The following PLOD3 variants were observed in gnomAD, a reference collection of about 807,000 sequenced individuals.
PLOD3 encodes multifunctional procollagen lysine hydroxylase and glycosyltransferase LH3.
A neutral mutation model predicts 96.9 loss-of-function variants in PLOD3; 73 were observed. The ratio of observed to expected loss-of-function variants is 0.75; its 90% CI spans 0.62 to 0.92. The LOEUF (loss-of-function observed/expected upper bound fraction) is 0.92. Among genes scored for constraint, PLOD3 ranks in the 40% least tolerant of loss-of-function variants. The pLI, the probability that PLOD3 is intolerant of heterozygous loss-of-function variation, is 0.00. For synonymous variants in PLOD3, 454 were observed against 413.7 expected (o/e 1.10, Z -1.18); for missense variants, 1,004 against 1,004.3 (o/e 1.00, Z 0.00).
In PLOD3 at chr7:101,215,959, A is replaced by G; in HGVS notation, c.564T>C (p.Asp188=). 1 of 1,613,962 alleles carries G rather than the reference A, an allele frequency of 6.2e-7. No homozygotes were observed. Among genetic ancestry groups the G allele is most frequent in the Middle Eastern group, 1.6e-4 (1 of 6,062 alleles). ...QIVRQWKYKD[D]DDDQLFYTRL... ...GTGTGTAGAACAGCTGGTCGTCGTC[A>G]TCATCCTTGTACTTCCACTGGCGCA... Residue 188 remains aspartate, a synonymous_variant, in exon 5 of 19, where the codon GAT becomes GAC. Transcript: ENST00000223127.
At position 101,206,162 on chromosome 7, in the gene PLOD3, G is replaced by C; in HGVS notation, c.*119C>G. On this transcript the variant is annotated 3_prime_UTR_variant, in exon 19 of 19. Transcript: ENST00000223127. ...AAGGTGACATATTCAGTTCAGGCAC[G>C]CGGAACATGAACTCAGGAAGTGGGG... The C allele has an allele frequency of 1.9e-6, 2 of 1,060,270 alleles. No homozygotes were observed. Among genetic ancestry groups the C allele is most frequent in the Non-Finnish European group, 2.9e-6 (2 of 678,344 alleles). The allele number at this position is 1,060,270 out of a possible 1,614,324, so 65.7% of individuals were successfully genotyped here.
intron 11 of PLOD3, 38 bp downstream of exon 11, chr7:101,211,807 TG>T (rs761977809): frequency 6.3e-7 from 1 of 1,589,142 alleles, no homozygotes. Flanking sequence ...CGGGGCCTGT[TG>T]GGGTGCCCTC....
intron 14 of PLOD3, 78 bp from the exon 15 acceptor site, chr7:101,210,239 G>T (rs1456118779): frequency 6.8e-7 from 1 of 1,479,612 alleles, no homozygotes. Context: ...CTCCCACTCA[G>T]TGTCCTGCGC....
intron 11 of PLOD3, 37 bp downstream of exon 11, chr7:101,211,809 G>C (rs770957844): frequency 6.3e-7 from 1 of 1,590,154 alleles, no homozygotes; most frequent in South Asian, 1.1e-5. Context: ...GGGCCTGTTG[G>C]GGTGCCCTCC....
chr7:101,213,032 C>G, intron 7 of PLOD3, 75 bp downstream of exon 7: 1 of 1,382,072 alleles, frequency 7.2e-7, no homozygotes, highest in Admixed American at 1.7e-5. Context: ...CTGGGAAGGG[C>G]CAGCTTCTCA....
chr7:101,207,578 C>G lies in PLOD3; in HGVS notation c.1935G>C (p.Lys645Asn), dbSNP rs201862554. ...TESLFPGYHT[K>N]ARAVMNFVVR... ...GGCAGCTGGCAGGTGGGCAGCGCAC[C>G]TTGGTGTGGTAACCGGGAAACAGGC... is the stretch of plus-strand genomic sequence containing the variant. The change falls in exon 17 of 19, where the codon AAG (lysine) becomes AAC (asparagine). Residue 645 changes from lysine to asparagine, a missense_variant and splice_region_variant. Transcript: ENST00000223127. 6.2e-7 allele frequency: 1 copy of G among 1,613,888 alleles called. No homozygotes were observed. Among genetic ancestry groups the G allele is most frequent in the Non-Finnish European group, 8.5e-7 (1 of 1,179,856 alleles).
At chr7:101,212,726 CCT>C (rs1157399988) in intron 8 of PLOD3, 71 bp from the exon 9 acceptor site, 1 of 1,604,934 alleles carries the variant, frequency 6.2e-7, no homozygotes, top group Admixed American at 1.7e-5. Context: ...CAACCTCCAC[CCT>C]GACAGGTGCA....
chr7:101,207,018 G>T, intron 17 of PLOD3, 114 bp from the exon 18 acceptor site: 1 of 1,257,736 alleles, frequency 8.0e-7, no homozygotes, highest in Non-Finnish European at 1.1e-6. Context: ...AGGCTGGAGT[G>T]CAGTGGTGCG....
chr7:101,211,310 GC>G, intron 12 of PLOD3: 1 of 383,264 alleles, frequency 2.6e-6, no homozygotes, highest in Non-Finnish European at 4.8e-6. Context: ...CTCCGTAGTA[GC>G]TGGGACCACA....
chr7:101,206,395 G>A lies in PLOD3; in HGVS notation c.2103C>T (p.Ser701=). The A allele has an allele frequency of 6.2e-7, 1 of 1,613,584 alleles. No homozygotes were observed. Residue 701 remains serine, a synonymous_variant, in exon 19 of 19, where the codon TCC becomes TCT. Transcript: ENST00000223127. The part of the protein sequence containing the change: ...CRFLRYDCVI[S]SPRKGWALLH... ...GGAGTGCCCAGCCCTTCCTCGGGGAGGAGATCACACAGTCGTAGCGCAGGA... is the reference window on the plus strand; with the variant it reads ...GGAGTGCCCAGCCCTTCCTCGGGGAAGAGATCACACAGTCGTAGCGCAGGA...
At chr7:101,215,277 G>A (rs546674462) in intron 5 of PLOD3, 125 bp from the exon 6 acceptor site, 8 of 783,432 alleles carry the variant, frequency 1.0e-5, no homozygotes, top group South Asian at 4.1e-5. Flanking sequence ...GCAATGGCAC[G>A]ATCTCAGCTC....
At chr7:101,216,842 T>C in intron 1 of PLOD3, 56 bp from the exon 2 acceptor site, 1 of 1,177,396 alleles carries the variant, frequency 8.5e-7, no homozygotes, top group Non-Finnish European at 1.3e-6. Flanking sequence ...GGGCCTCACG[T>C]GCTTTGCTGT....
intron 17 of PLOD3, among the ~76,000 whole-genome samples, 180 bp downstream of exon 17, chr7:101,207,398 T>C (rs1379775416): frequency 6.6e-6 from 1 of 151,976 alleles, no homozygotes; most frequent in Non-Finnish European, 1.5e-5. Flanking sequence ...AAGCCTCACC[T>C]TGGGTCTCAG....
At position 101,211,700 on chromosome 7, in the gene PLOD3, TG is replaced by T; in HGVS notation, c.1248del (p.Met417CysfsTer16). The T allele has an allele frequency of 6.2e-7, 1 of 1,605,856 alleles. No homozygotes were observed. The highest frequency in any genetic ancestry group is 2.2e-5 in the East Asian group (1 of 44,476). ...LIEENRKVIA[P>X]MLSRHGKLWS... ...CACAGCTTGCCGTGGCGGGACAGCATGGGGGCGATCACCTTCCTGCGGACAG... is the reference window on the plus strand; with the variant it reads ...CACAGCTTGCCGTGGCGGGACAGCATGGGGCGATCACCTTCCTGCGGACAG... On this transcript the variant is annotated frameshift_variant, in exon 12 of 19. Transcript: ENST00000223127. LOFTEE classifies it high-confidence loss of function.
chr7:101,217,499 A>ACAATTGTCC lies in PLOD3; in HGVS notation c.-226_-225insGGACAATTG, dbSNP rs1798298913. ...ACAAGGCGAGGATTGTCCCGGGCGCACGGGAGGCGGGGGAGGGGCGGCGGC... is the reference window on the plus strand; with the variant it reads ...ACAAGGCGAGGATTGTCCCGGGCGCACAATTGTCCCGGGAGGCGGGGGAGGGGCGGCGGC... On this transcript the variant is annotated 5_prime_UTR_variant, in exon 1 of 19. Coordinates refer to ENST00000223127, the MANE Select transcript of PLOD3 (RefSeq NM_001084.5). 6.0e-6 allele frequency: 3 copies of ACAATTGTCC among 498,850 alleles called. No homozygotes were observed. The highest frequency in any genetic ancestry group is 3.9e-5 in the Admixed American group (1 of 25,524). 30.9% of individuals were successfully genotyped at this position (498,850 alleles called of 1,614,324 possible).
rs150312907 is a variant in PLOD3, at chr7:101,212,632, G to A, written c.903C>T (p.Ala301=). Residue 301 remains alanine, a synonymous_variant, in exon 9 of 19, where the codon GCC becomes GCT. Coordinates refer to ENST00000223127, the MANE Select transcript of PLOD3 (RefSeq NM_001084.5). ...GGQPPPRVFL[A]VFVEQPTPFL... ...ACGGAGTAGGCTGTTCCACAAACAC[G>A]GCCAGAAACACCCGGGGGGGAGGCT... is the stretch of plus-strand genomic sequence containing the variant. The A allele has an allele frequency of 7.2e-5, 117 of 1,613,850 alleles. No individual in the cohort carries two copies. In the African/African-American group the frequency reaches 1.3e-3, roughly 18 times the overall value.
intron 1 of PLOD3, 177 bp downstream of exon 1, chr7:101,216,988 TG>T: frequency 2.5e-6 from 2 of 807,868 alleles, no homozygotes; most frequent in Non-Finnish European, 4.0e-6. Flanking sequence ...ATAGGGAGGC[TG>T]GAAACCCCAG....
chr7:101,209,597 G>A (rs1272305639), intron 15 of PLOD3, among the ~76,000 whole-genome samples: 1 of 139,542 alleles, frequency 7.2e-6, no homozygotes, highest in Non-Finnish European at 1.5e-5. Flanking sequence ...TTGCCATGTT[G>A]GCCAGGCTGG....
rs750040825 is a variant in PLOD3, at chr7:101,206,870, C to G, written c.1970G>C (p.Arg657Pro). ...CCGCAGAGACGGCTGCTCGTCTGGC[C>G]GGTAGCGAACCACAAAGTTCATCAC... is the stretch of plus-strand genomic sequence containing the variant. ...RAVMNFVVRY[R>P]PDEQPSLRPH... Residue 657 changes from arginine to proline, a missense_variant, in exon 18 of 19, where the codon CGG becomes CCG. Coordinates refer to ENST00000223127, the MANE Select transcript of PLOD3 (RefSeq NM_001084.5). 1.9e-6 allele frequency: 3 copies of G among 1,560,172 alleles called. No homozygotes were observed. Among genetic ancestry groups the G allele is most frequent in the Non-Finnish European group, 2.6e-6 (3 of 1,151,644 alleles).
Sources: gnomAD v4.1 joint callset for allele counts (sites outside exome capture counted in the v4.1 genomes callset) on GRCh38, gnomAD v4.1.1 for gene constraint, MANE v1.5 for transcripts, NCBI Gene and HGNC (gene_info 2026-07-23, HGNC 2026-07-21) for gene names.